GRID1: variants seen among roughly 807,000 people sequenced by gnomAD.
GRID1 encodes glutamate ionotropic receptor delta type subunit 1.
GRID1 carries 28 observed loss-of-function variants against 98.0 expected under a neutral mutation model. The ratio of observed to expected loss-of-function variants is 0.29; its 90% CI spans 0.21 to 0.39. The LOEUF (loss-of-function observed/expected upper bound fraction) is 0.39, where lower values mean the gene tolerates loss of function less well. GRID1 is among the 10% of genes least tolerant of loss of function. The pLI, the probability that GRID1 is intolerant of heterozygous loss-of-function variation, is 1.00. For synonymous variants in GRID1, 553 were observed against 538.5 expected, an observed-to-expected ratio of 1.03 and a Z score of -0.37; for missense variants, 1,111 against 1,340.5, an observed-to-expected ratio of 0.83 and a Z score of 2.67.
In GRID1 at chr10:85,926,699, C is replaced by G. The variant is rs1841779109; in HGVS notation, c.727-10460G>C. ...AGGCCCCACCCACAGAATGACATGGCTTAGAGAGAAAACTGTGATACAGGG... is the reference window on the plus strand; with the variant it reads ...AGGCCCCACCCACAGAATGACATGGGTTAGAGAGAAAACTGTGATACAGGG... On this transcript the variant is annotated intron_variant, in intron 4 of 15. Transcript: ENST00000327946. Among the ~76,000 whole-genome samples the G allele has an allele frequency of 3.3e-5, 5 of 152,146 alleles. No individual in the cohort carries two copies. In the South Asian group the frequency reaches 1.0e-3, roughly 32 times the overall value.
chr10:86,219,893 G>T (rs1846228792), intron 2 of GRID1, among the ~76,000 whole-genome samples: 1 of 152,186 alleles, frequency 6.6e-6, no homozygotes, highest in Non-Finnish European at 1.5e-5. Flanking sequence ...CCCCCGGGAG[G>T]CAGCCTGGGC....
At chr10:85,719,300 C>T (rs536152312) in intron 12 of GRID1, among the ~76,000 whole-genome samples, 1 of 152,304 alleles carries the variant, frequency 6.6e-6, no homozygotes, top group African/African-American at 2.4e-5. Context: ...CAACCTCTGC[C>T]TGTTACCCAA....
intron 12 of GRID1, among the ~76,000 whole-genome samples, chr10:85,648,921 C>T (rs772823712): frequency 2.0e-5 from 3 of 152,194 alleles, no homozygotes; most frequent in African/African-American, 4.8e-5. Context: ...GCCTACCTTG[C>T]CTGTCTGTCC....
At chr10:85,707,274 A>T (rs1841531329) in intron 12 of GRID1, among the ~76,000 whole-genome samples, 1 of 152,210 alleles carries the variant, frequency 6.6e-6, no homozygotes, top group African/African-American at 2.4e-5. Flanking sequence ...AAGAAAAAAA[A>T]ACAAACAATC....
chr10:86,199,173 C>T (rs1268910378), intron 3 of GRID1, among the ~76,000 whole-genome samples: 1 of 152,106 alleles, frequency 6.6e-6, no homozygotes, highest in Admixed American at 6.5e-5. Flanking sequence ...CTTGGAGTGA[C>T]CATGTGTGTC....
At chr10:85,849,793 T>A (rs191819348) in intron 8 of GRID1, among the ~76,000 whole-genome samples, 1 of 152,090 alleles carries the variant, frequency 6.6e-6, no homozygotes, top group Admixed American at 6.6e-5. Context: ...TCCCCACCTA[T>A]TGCAACCAGC....
chr10:86,046,102 C>T (rs956864242), intron 4 of GRID1, among the ~76,000 whole-genome samples: 5 of 152,154 alleles, frequency 3.3e-5, no homozygotes, highest in Non-Finnish European at 7.3e-5. Context: ...ACCGTTGTGC[C>T]ATGTCAGTTT....
intron 4 of GRID1, among the ~76,000 whole-genome samples, chr10:86,132,874 C>A (rs1384391080): frequency 6.6e-6 from 1 of 152,204 alleles, no homozygotes; most frequent in Non-Finnish European, 1.5e-5. Context: ...CCTGGGAAGC[C>A]AATCTGGGAG....
chr10:86,304,608 G>A (rs1261647786), intron 2 of GRID1, among the ~76,000 whole-genome samples: 2 of 152,242 alleles, frequency 1.3e-5, no homozygotes, highest in African/African-American at 4.8e-5. Context: ...CTGGGAGGAA[G>A]CTAACACACT....
intron 2 of GRID1, among the ~76,000 whole-genome samples, chr10:86,249,803 T>C (rs974515551): frequency 7.9e-5 from 12 of 152,370 alleles, no homozygotes; most frequent in African/African-American, 2.9e-4. Flanking sequence ...TGTTCTTCTA[T>C]GTCTATCTCC....
chr10:85,643,136 A>G (rs1843144320), intron 13 of GRID1, among the ~76,000 whole-genome samples: 1 of 152,188 alleles, frequency 6.6e-6, no homozygotes, highest in Non-Finnish European at 1.5e-5. Context: ...CAGCAATTAG[A>G]CATTGCTCCA....
chr10:85,969,114 T>C (rs1455138695), intron 4 of GRID1, among the ~76,000 whole-genome samples: 3 of 152,172 alleles, frequency 2.0e-5, no homozygotes, highest in Non-Finnish European at 4.4e-5. Flanking sequence ...TTTATAATGA[T>C]AAAGTGTCCA....
chr10:86,362,523 C>G (rs896700055), intron 2 of GRID1, among the ~76,000 whole-genome samples: 9 of 152,154 alleles, frequency 5.9e-5, no homozygotes, highest in Admixed American at 1.3e-4. Context: ...AGCCTCACCC[C>G]CCCTAAAAGA....
chr10:85,726,349 T>TA (rs1179076605), intron 10 of GRID1, among the ~76,000 whole-genome samples: 45 of 152,086 alleles, frequency 3.0e-4, no homozygotes, highest in Non-Finnish European at 3.1e-4. Flanking sequence ...AAGGACAAGT[T>TA]AAAAGATTCT....
At chr10:85,958,175 C>T (rs555342935) in intron 4 of GRID1, among the ~76,000 whole-genome samples, 5 of 152,340 alleles carry the variant, frequency 3.3e-5, no homozygotes, top group African/African-American at 7.2e-5. Flanking sequence ...GTAAATATTA[C>T]TGCAGTTTGA....
chr10:86,102,828 C>T (rs1844317965), intron 4 of GRID1, among the ~76,000 whole-genome samples: 1 of 152,118 alleles, frequency 6.6e-6, no homozygotes, highest in African/African-American at 2.4e-5. Flanking sequence ...ATTGTAGTGC[C>T]CATATTCCCC....
At chr10:86,281,069 G>T (rs1279953854) in intron 2 of GRID1, among the ~76,000 whole-genome samples, 1 of 152,188 alleles carries the variant, frequency 6.6e-6, no homozygotes, top group Non-Finnish European at 1.5e-5. Context: ...TGTACTGACT[G>T]AGAATGCAAT....
At chr10:86,121,400 CCAT>C (rs755206477) in intron 4 of GRID1, among the ~76,000 whole-genome samples, 38 of 105,666 alleles carry the variant, frequency 3.6e-4, no homozygotes, top group Admixed American at 2.1e-3. Flanking sequence ...ATCTCCATCG[CCAT>C]CATCAACACC....
intron 2 of GRID1, among the ~76,000 whole-genome samples, chr10:86,219,769 C>T (rs373745150): frequency 3.6e-4 from 55 of 152,318 alleles, no homozygotes; most frequent in African/African-American, 1.3e-3. Context: ...ATTTACTGGT[C>T]AAAATGCTAA....
Sources: gnomAD v4.1 joint callset for allele counts (sites outside exome capture counted in the v4.1 genomes callset) on GRCh38, gnomAD v4.1.1 for gene constraint, MANE v1.5 for transcripts, NCBI Gene and HGNC (gene_info 2026-07-23, HGNC 2026-07-21) for gene names.